The following EIF1AX variants were observed in gnomAD, a reference collection of about 807,000 sequenced individuals.
EIF1AX encodes the protein eukaryotic translation initiation factor 1A, X-chromosomal.
In EIF1AX, 1 loss-of-function variant was observed where a neutral mutation model predicts 16.1. The observed-to-expected ratio is 0.06, with a 90% CI of 0.02 to 0.30. The LOEUF (loss-of-function observed/expected upper bound fraction) is 0.30, where lower values mean the gene tolerates loss of function less well. Ranked by LOEUF, EIF1AX falls within the 10% of genes least tolerant of loss-of-function variation. The probability of loss-of-function intolerance (pLI) is 1.00; values close to 1 mark genes in which losing one functional copy is unlikely to be tolerated. For missense variants in EIF1AX, 11 were observed against 109.1 expected (o/e 0.10, Z 4.00); for synonymous variants, 32 against 37.3 (o/e 0.86, Z 0.51).
rs773115719 is a variant in EIF1AX at position 20,125,506 on chromosome X, T to C, written c.*2800A>G. The C allele has an allele frequency of 3.0e-5, 5 of 169,457 alleles. No homozygotes were observed. The highest frequency in any genetic ancestry group is 5.7e-5 in the Non-Finnish European group (5 of 88,484). The allele number at this position is 169,457 out of a possible 1,213,427, so 14.0% of individuals were successfully genotyped here. On this transcript the variant is annotated 3_prime_UTR_variant, in exon 7 of 7. Transcript: ENST00000379607. ...AGCATTTCATACCAATACAAATCAT[T>C]TTCATCTTTATGACAGTCAGGTAAC...
At position 20,128,062 on chromosome X, in the gene EIF1AX, T is replaced by C; in HGVS notation, c.*244A>G. ...GGTTTTTTTTTTTTTTTGTAATTAG[T>C]AGACATGGTCTTCTACCCATAAGCT... On this transcript the variant is annotated 3_prime_UTR_variant, in exon 7 of 7. Transcript: ENST00000379607. 3.8e-6 allele frequency: 1 copy of C among 265,156 alleles called. No homozygotes were observed. The highest frequency in any genetic ancestry group is 6.7e-5 in the Admixed American group (1 of 14,981). 21.9% of individuals were successfully genotyped at this position (265,156 alleles called of 1,213,427 possible).
At chrX:20,132,146 C>T (rs749283414) in intron 5 of EIF1AX, 36 bp downstream of exon 5, 2 of 1,094,713 alleles carry the variant, frequency 1.8e-6, no homozygotes, top group South Asian at 2.0e-5. Flanking sequence ...AACCTAAATA[C>T]CATATGACAA....
At chrX:20,133,163 T>G (rs1303254741) in intron 4 of EIF1AX, among the ~76,000 whole-genome samples, 2 of 112,079 alleles carry the variant, frequency 1.8e-5, no homozygotes, top group Non-Finnish European at 3.8e-5. Context: ...TTACTCATTT[T>G]GGACCCTTGG....
intron 1 of EIF1AX, among the ~76,000 whole-genome samples, chrX:20,141,108 G>A (rs139495177): frequency 1.2e-3 from 139 of 111,866 alleles, no homozygotes; most frequent in African/African-American, 3.7e-3. Context: ...CCTTAGAAAT[G>A]TATCAAGGTT....
intron 3 of EIF1AX, among the ~76,000 whole-genome samples, chrX:20,135,100 C>CT (rs755530368): frequency 0.033 from 2,911 of 88,119 alleles, 68 homozygotes; most frequent in Middle Eastern, 0.064. Context: ...AGTACCCCAG[C>CT]TTTTTTTTTT....
intron 3 of EIF1AX, 76 bp downstream of exon 3, chrX:20,135,662 C>T: frequency 2.6e-6 from 2 of 756,736 alleles, no homozygotes; most frequent in Non-Finnish European, 4.1e-6. Context: ...AAATGAAGTC[C>T]ATGGACAGTT....
intron 6 of EIF1AX, among the ~76,000 whole-genome samples, chrX:20,130,302 C>CAAAAAAAAAA (rs773734086): frequency 1.4e-4 from 4 of 28,481 alleles, no homozygotes; most frequent in East Asian, 1.3e-3. Flanking sequence ...AACTCCATCA[C>CAAAAAAAAAA]AAAAAAAAAA....
intron 3 of EIF1AX, among the ~76,000 whole-genome samples, chrX:20,134,512 C>T (rs1161155586): frequency 4.5e-5 from 5 of 111,489 alleles, no homozygotes; most frequent in Non-Finnish European, 7.5e-5. Context: ...CCGAGGCCGG[C>T]GGGTCACTTG....
intron 2 of EIF1AX, among the ~76,000 whole-genome samples, chrX:20,138,074 G>A (rs1033766900): frequency 3.2e-5 from 3 of 93,328 alleles, no homozygotes; most frequent in African/African-American, 8.5e-5. Context: ...GTGTGATCTC[G>A]GCTCACTGCA....
chrX:20,137,754 G>A (rs1821692414), intron 2 of EIF1AX, among the ~76,000 whole-genome samples: 2 of 111,423 alleles, frequency 1.8e-5, no homozygotes, highest in Middle Eastern at 4.6e-3. Flanking sequence ...AAGGGCCTCA[G>A]GCTCATCCTT....
chrX:20,141,390 A>G lies in EIF1AX; in HGVS notation c.16+235T>C, dbSNP rs779104739. ...GGAGCAAAAGCCCACATTCTCCCGC[A>G]GGAGGCCCTACAAAAATGGCGCCGG... On this transcript the variant is annotated intron_variant, in intron 1 of 6. Coordinates refer to ENST00000379607, the MANE Select transcript of EIF1AX (RefSeq NM_001412.4). Among the ~76,000 whole-genome samples, 114 of 111,851 alleles carry G rather than the reference A, an allele frequency of 1.0e-3. 1 individual carries two copies. Among genetic ancestry groups the G allele is most frequent in the Non-Finnish European group, 1.8e-3 (95 of 53,103 alleles).
chrX:20,141,476 C>T, intron 1 of EIF1AX, 149 bp downstream of exon 1: 1 of 660,030 alleles, frequency 1.5e-6, no homozygotes, highest in Middle Eastern at 3.6e-4. Context: ...CTCTCCCGAG[C>T]TCAGAGTCGC....
intron 3 of EIF1AX, among the ~76,000 whole-genome samples, chrX:20,134,371 G>T (rs1015536061): frequency 1.8e-5 from 2 of 110,315 alleles, no homozygotes; most frequent in African/African-American, 6.6e-5. Context: ...CTGGGCAACA[G>T]AGTGAGACTC....
intron 5 of EIF1AX, 69 bp from the exon 6 acceptor site, chrX:20,130,676 T>C (rs1191227540): frequency 6.0e-6 from 6 of 993,641 alleles, no homozygotes; most frequent in East Asian, 7.0e-5. Context: ...CATAAGAGCA[T>C]TCCTTTTATA....
At chrX:20,130,741 G>A in intron 5 of EIF1AX, 134 bp from the exon 6 acceptor site, 1 of 565,898 alleles carries the variant, frequency 1.8e-6, no homozygotes, top group South Asian at 7.0e-5. Flanking sequence ...CAGTGTCACT[G>A]CTAAGTCAAG....
intron 3 of EIF1AX, among the ~76,000 whole-genome samples, chrX:20,135,313 G>C (rs2067013204): frequency 9.0e-6 from 1 of 110,663 alleles, no homozygotes; most frequent in African/African-American, 3.3e-5. Context: ...AGGCATGGTG[G>C]CACAGGCCTG....
At chrX:20,131,682 T>G (rs2148607289) in intron 5 of EIF1AX, among the ~76,000 whole-genome samples, 1 of 94,505 alleles carries the variant, frequency 1.1e-5, no homozygotes, top group African/African-American at 4.9e-5. Flanking sequence ...CTTCATGGTT[T>G]TTTTTTTTTT....
At position 20,128,093 on chromosome X, in the gene EIF1AX, A is replaced by T. The variant is rs1416159403; in HGVS notation, c.*213T>A. The T allele has an allele frequency of 3.2e-6, 1 of 308,881 alleles. No individual in the cohort carries two copies. The highest frequency in any genetic ancestry group is 2.8e-5 in the African/African-American group (1 of 35,613). The allele number at this position is 308,881 out of a possible 1,213,427, so 25.5% of individuals were successfully genotyped here. On this transcript the variant is annotated 3_prime_UTR_variant, in exon 7 of 7. Coordinates refer to ENST00000379607, the MANE Select transcript of EIF1AX (RefSeq NM_001412.4). ...TGGTCTTCTACCCATAAGCTCCATT[A>T]CATTAAAAGAACAAAGTGGGCTTAA... is the stretch of plus-strand genomic sequence containing the variant.
intron 2 of EIF1AX, chrX:20,136,230 T>TGCACACACACACACACCCC (rs2067016392): frequency 3.0e-6 from 1 of 338,487 alleles, no homozygotes; most frequent in Non-Finnish European, 5.7e-6. Context: ...CACGTGTGCG[T>TGCACACACACACACACCCC]GCACACACAC....
Sources: allele counts gnomAD v4.1 joint callset (sites outside exome capture counted in the v4.1 genomes callset), GRCh38; gene constraint gnomAD v4.1.1; transcripts MANE v1.5; gene names NCBI Gene and HGNC (gene_info 2026-07-23, HGNC 2026-07-21).